The following TNFAIP8L3 variants were observed in gnomAD, a reference collection of about 807,000 sequenced individuals.
The protein encoded by TNFAIP8L3 is tumor necrosis factor alpha-induced protein 8-like protein 3.
A neutral mutation model predicts 11.8 loss-of-function variants in TNFAIP8L3; 7 were observed. The ratio of observed to expected loss-of-function variants is 0.59; its 90% CI spans 0.34 to 1.11. The LOEUF (loss-of-function observed/expected upper bound fraction) is 1.11, where lower values mean the gene tolerates loss of function less well. Ranked by LOEUF, TNFAIP8L3 falls within the 50% of genes most tolerant of loss-of-function variation. The pLI, the probability that TNFAIP8L3 is intolerant of heterozygous loss-of-function variation, is 0.03. For missense variants in TNFAIP8L3, 219 were observed against 258.6 expected, an observed-to-expected ratio of 0.85 and a Z score of 1.05; for synonymous variants, 98 against 103.8, an observed-to-expected ratio of 0.94 and a Z score of 0.34.
At chr15:51,078,639 C>T (rs2065371651) in intron 1 of TNFAIP8L3, among the ~76,000 whole-genome samples, 1 of 152,014 alleles carries the variant, frequency 6.6e-6, no homozygotes, top group Non-Finnish European at 1.5e-5. Flanking sequence ...CCATCCATAA[C>T]TGCTTGCCTG....
At chr15:51,095,225 GGGAATAAGGGAAGGGGA>G (rs2065505267), upstream of TNFAIP8L3, among the ~76,000 whole-genome samples, 2 of 93,738 alleles carry the variant, frequency 2.1e-5, no homozygotes, top group Non-Finnish European at 5.3e-5. Flanking sequence ...AAGGGGGGCG[GGGAATAAGGGAAGGGGA>G]GCGGGGAATA....
At chr15:51,092,322 C>T (rs1218559863) in intron 1 of TNFAIP8L3, among the ~76,000 whole-genome samples, 1 of 152,216 alleles carries the variant, frequency 6.6e-6, no homozygotes, top group Admixed American at 6.5e-5. Flanking sequence ...TGTCAAGTTT[C>T]TTGTAGAGAC....
At chr15:51,059,784 C>T (rs534954670) in intron 1 of TNFAIP8L3, among the ~76,000 whole-genome samples, 2 of 152,352 alleles carry the variant, frequency 1.3e-5, no homozygotes, top group South Asian at 2.1e-4. Flanking sequence ...AGCTTTTGTC[C>T]AGTGCTTTGT....
chr15:51,058,457 AAT>A lies in TNFAIP8L3; in HGVS notation c.53-16_53-15del, dbSNP rs869067416. The A allele has an allele frequency of 7.0e-4, 953 of 1,364,760 alleles. 1 individual carries two copies. The highest frequency in any genetic ancestry group is 1.6e-3 in the South Asian group (104 of 66,322). 84.5% of individuals were successfully genotyped at this position (1,364,760 alleles called of 1,614,324 possible). ...AAACATCAGGACCTATGGTAAAAAA[AAT>A]ATATATAAAAGTTTTAGAAATATAA... On this transcript the variant is annotated splice_polypyrimidine_tract_variant and intron_variant, in intron 1 of 1. Coordinates refer to ENST00000637513, the MANE Select transcript of TNFAIP8L3 (RefSeq NM_001311175.2).
intron 1 of TNFAIP8L3, among the ~76,000 whole-genome samples, chr15:51,091,065 TTGGGTCTC>T (rs759243630): frequency 6.6e-6 from 1 of 152,106 alleles, no homozygotes; most frequent in Non-Finnish European, 1.5e-5. Context: ...GAGTGCCAAG[TTGGGTCTC>T]TGGAAAGAAT....
chr15:51,096,629 C>T (rs200359217), upstream of TNFAIP8L3, among the ~76,000 whole-genome samples: 2 of 152,132 alleles, frequency 1.3e-5, no homozygotes, highest in African/African-American at 2.4e-5. Flanking sequence ...CGGTGGCTCA[C>T]GCCTGTAATC....
chr15:51,065,016 A>T (rs923961450), intron 1 of TNFAIP8L3, among the ~76,000 whole-genome samples: 4 of 152,214 alleles, frequency 2.6e-5, no homozygotes, highest in African/African-American at 9.7e-5. Context: ...AATTCTTTTA[A>T]CCATGTTTGA....
At chr15:51,103,454 A>G (rs1302013389) in intron 1 of TNFAIP8L3, among the ~76,000 whole-genome samples, 1 of 152,240 alleles carries the variant, frequency 6.6e-6, no homozygotes, top group Non-Finnish European at 1.5e-5. Flanking sequence ...CAGTGTTTTA[A>G]CAACTTTCTC....
rs767555628 is a variant in TNFAIP8L3, at chr15:51,058,460, AT to A, written c.53-18del. 4.0e-4 allele frequency: 399 copies of A among 1,002,964 alleles called. 2 individuals carry two copies. The highest frequency in any genetic ancestry group is 8.7e-5 in the African/African-American group (2 of 22,970). The allele number at this position is 1,002,964 out of a possible 1,614,324, so 62.1% of individuals were successfully genotyped here. ...CATCAGGACCTATGGTAAAAAAAAT[AT>A]ATATAAAAGTTTTAGAAATATAAGA... On this transcript the variant is annotated intron_variant, in intron 1 of 1. Transcript: ENST00000637513.
At position 51,094,738 on chromosome 15, in the gene TNFAIP8L3, GC is replaced by G; in HGVS notation, c.-144del. The G allele has an allele frequency of 1.0e-6, 1 of 976,740 alleles. No homozygotes were observed. The allele number at this position is 976,740 out of a possible 1,614,324, so 60.5% of individuals were successfully genotyped here. On this transcript the variant is annotated 5_prime_UTR_variant, in exon 1 of 2. Coordinates refer to ENST00000637513, the MANE Select transcript of TNFAIP8L3 (RefSeq NM_001311175.2). This position sits in a 1 kb window ranked among gnomAD's most constrained non-coding sequence, Gnocchi z 4.4. Reference sequence around the variant, plus strand: ...GCGGGCTGGGCGGTGCGCGGCGGCAGCGGCCAGGGGGCGGCTCCGCAGAGGC... The same window carrying G: ...GCGGGCTGGGCGGTGCGCGGCGGCAGGGCCAGGGGGCGGCTCCGCAGAGGC...
chr15:51,095,991 T>G (rs185417302), upstream of TNFAIP8L3, among the ~76,000 whole-genome samples: 4 of 152,344 alleles, frequency 2.6e-5, no homozygotes. Context: ...TTGAAAATAC[T>G]TTTTGGAAGT....
intron 1 of TNFAIP8L3, among the ~76,000 whole-genome samples, chr15:51,081,260 T>A (rs2065390036): frequency 1.3e-5 from 2 of 151,994 alleles, no homozygotes; most frequent in African/African-American, 2.4e-5. Context: ...ACCAGGGAGA[T>A]GGGGAGGACA....
intron 1 of TNFAIP8L3, among the ~76,000 whole-genome samples, chr15:51,059,069 AGTT>A (rs1164709768): frequency 3.9e-5 from 6 of 152,204 alleles, no homozygotes; most frequent in African/African-American, 1.4e-4. Flanking sequence ...TTTACACAAA[AGTT>A]GTCAGAGATT....
intron 1 of TNFAIP8L3, among the ~76,000 whole-genome samples, chr15:51,102,934 G>A (rs1427177161): frequency 6.6e-6 from 1 of 152,090 alleles, no homozygotes; most frequent in African/African-American, 2.4e-5. Context: ...ACAAAAGCAG[G>A]ACTTGACCAA....
At chr15:51,073,942 T>C (rs1595610808) in intron 1 of TNFAIP8L3, among the ~76,000 whole-genome samples, 1 of 152,274 alleles carries the variant, frequency 6.6e-6, no homozygotes, top group Admixed American at 6.5e-5. Context: ...ATTTATCTTA[T>C]AATATGTAAA....
At chr15:51,066,639 G>A (rs1002218717) in intron 1 of TNFAIP8L3, among the ~76,000 whole-genome samples, 1 of 152,148 alleles carries the variant, frequency 6.6e-6, no homozygotes, top group African/African-American at 2.4e-5. Context: ...CTGTTCTGTG[G>A]GTGAATGATG....
intron 1 of TNFAIP8L3, among the ~76,000 whole-genome samples, chr15:51,077,993 A>G (rs1301438853): frequency 6.6e-6 from 1 of 152,186 alleles, no homozygotes; most frequent in Non-Finnish European, 1.5e-5. Flanking sequence ...TAGCTGAACT[A>G]AGGGGCAAAA....
rs1255486813 is a variant in TNFAIP8L3 at position 51,056,774 on chromosome 15, C to G, written c.*1107G>C. ...GGGAAGGCTGGTCCTGCAGAGGGAG[C>G]ACAGTGCTTCTCTGTTTCTATATTG... On this transcript the variant is annotated 3_prime_UTR_variant, in exon 2 of 2. Transcript: ENST00000637513. 1 of 152,152 alleles carries G rather than the reference C, an allele frequency of 6.6e-6. No individual in the cohort carries two copies. The highest frequency in any genetic ancestry group is 1.5e-5 in the Non-Finnish European group (1 of 68,024). The allele number at this position is 152,152 out of a possible 1,614,324, so 9.4% of individuals were successfully genotyped here.
intron 1 of TNFAIP8L3, among the ~76,000 whole-genome samples, chr15:51,066,664 T>A (rs892210587): frequency 3.9e-5 from 6 of 152,152 alleles, no homozygotes; most frequent in Admixed American, 2.6e-4. Context: ...AGGTGTATGC[T>A]GTAGGGGTGA....
Sources: allele counts gnomAD v4.1 joint callset (sites outside exome capture counted in the v4.1 genomes callset), GRCh38; gene constraint gnomAD v4.1.1; non-coding constraint Gnocchi (gnomAD v3.1); transcripts MANE v1.5; gene names NCBI Gene and HGNC (gene_info 2026-07-23, HGNC 2026-07-21).